The following FAN1 variants were observed in gnomAD, a reference collection of about 807,000 sequenced individuals.
The protein encoded by FAN1 is fanconi-associated nuclease 1.
In FAN1, 91 loss-of-function variants were observed where a neutral mutation model predicts 104.9. The ratio of observed to expected loss-of-function variants is 0.87; its 90% CI spans 0.73 to 1.03. The LOEUF (loss-of-function observed/expected upper bound fraction) is 1.03. Among genes scored for constraint, FAN1 ranks in the 50% least tolerant of loss-of-function variants. The probability of loss-of-function intolerance (pLI) is 0.00; values close to 1 mark genes in which losing one functional copy is unlikely to be tolerated. For missense variants in FAN1, 1,263 were observed against 1,239.9 expected, an observed-to-expected ratio of 1.02 and a Z score of -0.28; for synonymous variants, 478 against 457.6, an observed-to-expected ratio of 1.04 and a Z score of -0.57.
rs556395538 is a variant in FAN1, at chr15:30,909,797, G to A, written c.1376-817G>A. Among the ~76,000 whole-genome samples, 36 of 152,346 alleles carry A rather than the reference G, an allele frequency of 2.4e-4. No homozygotes were observed. In the South Asian group the frequency reaches 7.2e-3, roughly 31 times the overall value. On this transcript the variant is annotated intron_variant, in intron 3 of 14. Coordinates refer to ENST00000362065, the MANE Select transcript of FAN1 (RefSeq NM_014967.5). Reference sequence around the variant, plus strand: ...TTCCACCACGTGGCCACACGGCATAGTTCTCCTTTCCTTCCCCGCTGCGTG... The same window carrying A: ...TTCCACCACGTGGCCACACGGCATAATTCTCCTTTCCTTCCCCGCTGCGTG...
At chr15:30,904,110 G>C (rs2061911208) in intron 1 of FAN1, 99 bp downstream of exon 1, 1 of 152,242 alleles carries the variant, frequency 6.6e-6, no homozygotes, top group South Asian at 2.1e-4. Context: ...CAGCCGGCGC[G>C]GGCGCAGCTG....
At chr15:30,907,861 A>G (rs2062016093) in intron 2 of FAN1, among the ~76,000 whole-genome samples, 1 of 152,212 alleles carries the variant, frequency 6.6e-6, no homozygotes, top group Non-Finnish European at 1.5e-5. Flanking sequence ...AGAACAAAAT[A>G]AGAATTCTGG....
Position 30,905,010 on chromosome 15 carries a change from C to T in FAN1, c.347C>T (p.Ser116Leu). ...KTNLTPGQSD[S>L]AKREVKQKIS... ...AATTTAACCCCTGGCCAAAGTGATT[C>T]AGCAAAAAGGGAAGTAAAGCAGAAG... Residue 116 changes from serine (S) to leucine (L), a missense_variant, in exon 2 of 15, where the codon TCA becomes TTA. By Grantham distance (145) the Ser-to-Leu change is moderately radical. Coordinates refer to ENST00000362065, the MANE Select transcript of FAN1 (RefSeq NM_014967.5). 1 of 1,613,918 alleles carries T rather than the reference C, an allele frequency of 6.2e-7. No individual in the cohort carries two copies. The highest frequency in any genetic ancestry group is 1.1e-5 in the South Asian group (1 of 91,078).
At chr15:30,929,558 A>ATCT (rs2062562971) in intron 12 of FAN1, among the ~76,000 whole-genome samples, 161 bp downstream of exon 12, 1 of 104,588 alleles carries the variant, frequency 9.6e-6, no homozygotes, top group African/African-American at 4.3e-5. Context: ...TAAAATATAT[A>ATCT]TTATATCTTT....
intron 12 of FAN1, among the ~76,000 whole-genome samples, chr15:30,929,745 CAT>C (rs1159371575): frequency 2.5e-4 from 9 of 35,424 alleles, no homozygotes; most frequent in African/African-American, 8.8e-4. Flanking sequence ...TATATTATAT[CAT>C]ATATAATATA....
intron 13 of FAN1, 66 bp downstream of exon 13, chr15:30,930,737 G>A: frequency 6.3e-6 from 10 of 1,577,690 alleles, no homozygotes; most frequent in Non-Finnish European, 8.6e-6. Context: ...GAGGCCACAA[G>A]TAGGCATTTC....
chr15:30,939,748 A>G (rs940237694), intron 14 of FAN1: 7 of 984,708 alleles, frequency 7.1e-6, no homozygotes, highest in Non-Finnish European at 6.0e-6. Flanking sequence ...TGAAAAAGGG[A>G]GAATTGTGAT....
chr15:30,940,216 A>G, intron 14 of FAN1: 1 of 985,338 alleles, frequency 1.0e-6, no homozygotes, highest in Non-Finnish European at 1.2e-6. Flanking sequence ...CACTGCTGTA[A>G]GAAGCTTCAG....
chr15:30,915,308 G>A (rs933092919), intron 5 of FAN1, among the ~76,000 whole-genome samples: 20 of 152,302 alleles, frequency 1.3e-4, no homozygotes, highest in African/African-American at 4.1e-4. Flanking sequence ...GGAGGGGAAG[G>A]GGGATAGGGA....
chr15:30,937,099 T>C lies in FAN1; in HGVS notation c.2917-20T>C. ...ATTCAGTAAGATACTAATAACAACT[T>C]TTAAAAATTTCTTTTCCAGCTGGTG... On this transcript the variant is annotated intron_variant, in intron 13 of 14. Coordinates refer to ENST00000362065, the MANE Select transcript of FAN1 (RefSeq NM_014967.5). 6.2e-7 allele frequency: 1 copy of C among 1,603,354 alleles called. No individual in the cohort carries two copies. The highest frequency in any genetic ancestry group is 8.5e-7 in the Non-Finnish European group (1 of 1,176,106).
intron 10 of FAN1, chr15:30,927,262 T>C: frequency 1.0e-6 from 1 of 985,500 alleles, no homozygotes; most frequent in South Asian, 4.7e-5. Context: ...TATTCCTGCC[T>C]GATCGTCAGT....
intron 9 of FAN1, 126 bp downstream of exon 9, chr15:30,925,417 T>C: frequency 1.1e-6 from 1 of 939,316 alleles, no homozygotes. Context: ...CTAAAACTCG[T>C]TTTGGACGGC....
intron 5 of FAN1, among the ~76,000 whole-genome samples, chr15:30,915,314 A>C (rs1452859667): frequency 6.6e-6 from 1 of 152,208 alleles, no homozygotes; most frequent in Non-Finnish European, 1.5e-5. Flanking sequence ...GAAGGGGGAT[A>C]GGGAAAGGTT....
Position 30,905,224 on chromosome 15 carries a change from A to G in FAN1, c.561A>G (p.Thr187=), listed in dbSNP as rs2061947882. The G allele has an allele frequency of 6.2e-7, 1 of 1,613,856 alleles. No individual in the cohort carries two copies. The highest frequency in any genetic ancestry group is 1.1e-5 in the South Asian group (1 of 91,086). The part of the protein sequence containing the change: ...AGSSPQSSKS[T]VVKSLIDNSS... The stretch of plus-strand genomic sequence containing the variant: ...CTAGTCCACAGAGTTCCAAATCCAC[A>G]GTTGTTAAGAGCCTGATTGATAACT... The change falls in exon 2 of 15, where the codon ACA becomes ACG. Residue 187 remains threonine, a synonymous_variant. Transcript: ENST00000362065.
At chr15:30,937,474 CAG>C (rs1318688807) in intron 14 of FAN1, among the ~76,000 whole-genome samples, 3 of 111,584 alleles carry the variant, frequency 2.7e-5, no homozygotes, top group Non-Finnish European at 5.1e-5. Flanking sequence ...TTTTTTGAGA[CAG>C]AGTCTCGCTC....
Position 30,930,668 on chromosome 15 carries a change from T to C in FAN1, c.2913T>C (p.Phe971=), listed in dbSNP as rs1307068495. The change falls in exon 13 of 15, where the codon TTT becomes TTC. Residue 971 remains phenylalanine (F), a synonymous_variant. Transcript: ENST00000362065. The stretch of plus-strand genomic sequence containing the variant: ...TGTGGAACTCCCAGAGCCGTCACTT[T>C]AAGGTCAGTTGAGGCAGAATGGAAA... The part of the protein sequence containing the change: ...LVVWNSQSRH[F]KLVEVKGPND... 6.2e-7 allele frequency: 1 copy of C among 1,612,704 alleles called. No individual in the cohort carries two copies. The highest frequency in any genetic ancestry group is 8.5e-7 in the Non-Finnish European group (1 of 1,179,484).
Position 30,937,176 on chromosome 15 carries a change from G to A in FAN1, c.2974G>A (p.Ala992Thr). Residue 992 changes from alanine (A) to threonine (T), a missense_variant, in exon 14 of 15, where the codon GCT (alanine) becomes ACT (threonine). This residue lies in a region of FAN1 where 581 missense variants were observed against 668.8 expected (regional missense o/e 0.87). Transcript: ENST00000362065. ...RLSHKQMIWL[A>T]ELQKLGAEVE... ...TTCACATAAGCAGATGATCTGGCTG[G>A]CTGAACTGCAGAAGCTGGGGGCTGA... 1 of 1,614,112 alleles carries A rather than the reference G, an allele frequency of 6.2e-7. No homozygotes were observed. Among genetic ancestry groups the A allele is most frequent in the South Asian group, 1.1e-5 (1 of 91,086 alleles).
At position 30,910,626 on chromosome 15, in the gene FAN1, A is replaced by G. The variant is rs754702851; in HGVS notation, c.1388A>G (p.Gln463Arg). The G allele has an allele frequency of 1.2e-5, 19 of 1,579,204 alleles. No individual in the cohort carries two copies. In the South Asian group the frequency reaches 1.8e-4, roughly 15 times the overall value. The change falls in exon 4 of 15, where the codon CAA becomes CGA. Residue 463 changes from glutamine (Q) to arginine (R), a missense_variant. By Grantham distance (43) the Gln-to-Arg change is conservative. Transcript: ENST00000362065. ...TTAACCATTTCAGAATCTGAGTTGC[A>G]AGAACTCTCTGAAGTGCTTGAACTC... is the stretch of plus-strand genomic sequence containing the variant. ...AGFLQTESEL[Q>R]ELSEVLELLS...
intron 14 of FAN1, chr15:30,940,289 G>A: frequency 1.0e-6 from 1 of 984,524 alleles, no homozygotes; most frequent in Non-Finnish European, 1.2e-6. Context: ...TTACTTTAGA[G>A]AGATTCAGAT....
Sources: gnomAD v4.1 joint callset for allele counts (sites outside exome capture counted in the v4.1 genomes callset) on GRCh38, gnomAD v4.1.1 for gene constraint, gnomAD v4.1.1 regional missense constraint, MANE v1.5 for transcripts, NCBI Gene and HGNC (gene_info 2026-07-23, HGNC 2026-07-21) for gene names.